Variants in CENPP observed in about 807,000 individuals in gnomAD.
The protein encoded by CENPP is centromere protein P.
CENPP carries 24 observed loss-of-function variants against 35.6 expected under a neutral mutation model. The ratio of observed to expected loss-of-function variants is 0.67; its 90% CI spans 0.49 to 0.95. The LOEUF (loss-of-function observed/expected upper bound fraction) is 0.95, where lower values mean the gene tolerates loss of function less well. Ranked by LOEUF, CENPP falls within the 40% of genes least tolerant of loss-of-function variation. The pLI is 0.00. For synonymous variants in CENPP, 120 were observed against 125.5 expected (o/e 0.96, Z 0.29); for missense variants, 332 against 345.3 (o/e 0.96, Z 0.31).
intron 4 of CENPP, among the ~76,000 whole-genome samples, chr9:92,373,706 C>T (rs576725502): frequency 8.6e-5 from 13 of 151,946 alleles, no homozygotes; most frequent in Non-Finnish European, 1.6e-4. Flanking sequence ...CGTGCCTGTA[C>T]TCCCAGCTAC....
intron 4 of CENPP, among the ~76,000 whole-genome samples, chr9:92,366,739 C>T (rs2130844826): frequency 1.3e-5 from 2 of 152,288 alleles, no homozygotes; most frequent in East Asian, 3.9e-4. Flanking sequence ...ATGATTATTA[C>T]ACACACATGC....
intron 5 of CENPP, chr9:92,511,982 C>T: frequency 1.3e-6 from 2 of 1,536,652 alleles, no homozygotes; most frequent in Non-Finnish European, 1.8e-6. Flanking sequence ...GCCATTCATC[C>T]AAATAGACAA....
Position 92,620,510 on chromosome 9 carries a change from T to C in CENPP, c.*7361T>C, listed in dbSNP as rs1851596541. 2 of 152,194 alleles carry C rather than the reference T, an allele frequency of 1.3e-5. No homozygotes were observed. 9.4% of individuals were successfully genotyped at this position (152,194 alleles called of 1,614,324 possible). ...GGCATAGCTCTCGCTTTCACAAAAA[T>C]AAACAGTTGTAAAAGAAAAGGAATT... On this transcript the variant is annotated 3_prime_UTR_variant, in exon 8 of 8. Transcript: ENST00000375587.
At chr9:92,365,034 T>G (rs1841851728) in intron 4 of CENPP, among the ~76,000 whole-genome samples, 1 of 152,174 alleles carries the variant, frequency 6.6e-6, no homozygotes, top group African/African-American at 2.4e-5. Flanking sequence ...AGTTACGTGT[T>G]GCCTGTTCTG....
intron 5 of CENPP, among the ~76,000 whole-genome samples, chr9:92,569,432 T>A (rs570364662): frequency 6.6e-6 from 1 of 152,346 alleles, no homozygotes; most frequent in Admixed American, 6.5e-5. Flanking sequence ...TCTGTTCCAT[T>A]GGTCTATATC....
At chr9:92,373,940 T>G (rs1349376234) in intron 4 of CENPP, among the ~76,000 whole-genome samples, 1 of 152,124 alleles carries the variant, frequency 6.6e-6, no homozygotes, top group Non-Finnish European at 1.5e-5. Context: ...GTTTTCTTGC[T>G]TTTCATGTAC....
At chr9:92,508,530 C>T (rs1847146245) in intron 5 of CENPP, among the ~76,000 whole-genome samples, 2 of 152,166 alleles carry the variant, frequency 1.3e-5, no homozygotes, top group Non-Finnish European at 2.9e-5. Context: ...GTGTGACTGA[C>T]TTATAGTTCA....
Position 92,390,587 on chromosome 9 carries a change from T to TGTGTGTGTGTGTGC in CENPP, c.564+10729_564+10730insTGTGTGTGTGTGCG, listed in dbSNP as rs749697394. 5.5e-4 allele frequency among the ~76,000 whole-genome samples: 78 copies of TGTGTGTGTGTGTGC among 141,912 alleles called. 1 individual carries two copies. Among genetic ancestry groups the TGTGTGTGTGTGTGC allele is most frequent in the East Asian group, 4.1e-3 (18 of 4,386 alleles). The allele number at this position is 141,912 out of a possible 152,430, so 93.1% of individuals were successfully genotyped here. ...CAGTGTGTGTGTGTGTGTGTGTGTG[T>TGTGTGTGTGTGTGC]GCGCGCGCGCGTACTTGCGTGTGCA... On this transcript the variant is annotated intron_variant, in intron 5 of 7. Coordinates refer to ENST00000375587, the MANE Select transcript of CENPP (RefSeq NM_001012267.3).
At chr9:92,433,739 G>A (rs1844176670) in intron 5 of CENPP, among the ~76,000 whole-genome samples, 1 of 152,064 alleles carries the variant, frequency 6.6e-6, no homozygotes, top group Non-Finnish European at 1.5e-5. Context: ...CGAGACCAGC[G>A]TGACCAACAT....
Position 92,415,469 on chromosome 9 carries a change from GATTC to G in CENPP, c.564+35613_564+35616del, listed in dbSNP as rs780016730. ...TCAATAGAAGGACACATCACTGTAA[GATTC>G]ATCTCTGAAAGAAATAAATTAAAAA... On this transcript the variant is annotated intron_variant, in intron 5 of 7. Transcript: ENST00000375587. 1.9e-6 allele frequency: 3 copies of G among 1,571,632 alleles called. No homozygotes were observed. The Admixed American group carries it at 5.7e-5, about 30-fold the overall frequency.
intron 5 of CENPP, among the ~76,000 whole-genome samples, chr9:92,608,648 G>C (rs1391082124): frequency 6.6e-6 from 1 of 152,168 alleles, no homozygotes; most frequent in Admixed American, 6.5e-5. Context: ...CAAGTTATCA[G>C]TGACCGTGAC....
rs574765658 is a variant in CENPP at position 92,429,486 on chromosome 9, T to C, written c.564+49627T>C. Among the ~76,000 whole-genome samples, 43 of 152,232 alleles carry C rather than the reference T, an allele frequency of 2.8e-4. 1 individual carries two copies. In the South Asian group the frequency reaches 6.2e-3, roughly 22 times the overall value. On this transcript the variant is annotated intron_variant, in intron 5 of 7. Coordinates refer to ENST00000375587, the MANE Select transcript of CENPP (RefSeq NM_001012267.3). ...TAACTCAGCATCTGAATTACCTGAA[T>C]ATAATCTTGTCATTTTCAGGCCAAG... is the stretch of plus-strand genomic sequence containing the variant.
intron 5 of CENPP, chr9:92,464,842 T>C: frequency 1.8e-6 from 2 of 1,082,244 alleles, no homozygotes; most frequent in Non-Finnish European, 2.9e-6. Flanking sequence ...TACTGCACAG[T>C]TTACAATATT....
Position 92,404,567 on chromosome 9 carries a change from G to A in CENPP, c.564+24708G>A, listed in dbSNP as rs566156456. On this transcript the variant is annotated intron_variant, in intron 5 of 7. Coordinates refer to ENST00000375587, the MANE Select transcript of CENPP (RefSeq NM_001012267.3). ...TCATGTCTGTGCATTAGCCCCAAGT[G>A]GGAGGGTGAATGAGAAAAGCTATGT... is the stretch of plus-strand genomic sequence containing the variant. 5.4e-6 allele frequency: 7 copies of A among 1,295,440 alleles called. No homozygotes were observed. The South Asian group carries it at 7.7e-5, about 14-fold the overall frequency. The allele number at this position is 1,295,440 out of a possible 1,614,324, so 80.2% of individuals were successfully genotyped here. A position where few individuals can be genotyped will look rare whatever the true frequency, so the allele number is the denominator to read the frequency against.
At chr9:92,361,035 C>T (rs1841733894) in intron 4 of CENPP, among the ~76,000 whole-genome samples, 1 of 151,958 alleles carries the variant, frequency 6.6e-6, no homozygotes, top group African/African-American at 2.4e-5. Context: ...AATGTTTCTG[C>T]TGCTGTTCTT....
rs111367325 is a variant in CENPP, at chr9:92,603,075, C to T, written c.565-8239C>T. ...AAGTGCTGGGATTACAGGCATAAGC[C>T]ACCACACCCAGCCTCAAATTAAACT... On this transcript the variant is annotated intron_variant, in intron 5 of 7. Transcript: ENST00000375587. Among the ~76,000 whole-genome samples the T allele has an allele frequency of 7.4e-3, 1,125 of 152,288 alleles. 11 individuals are homozygous for T. Among genetic ancestry groups the T allele is most frequent in the African/African-American group, 0.024 (1,018 of 41,558 alleles).
At chr9:92,514,944 T>C in intron 5 of CENPP, 1 of 1,614,082 alleles carries the variant, frequency 6.2e-7, no homozygotes, top group East Asian at 2.2e-5. Flanking sequence ...TTCTGTCTCC[T>C]CCTCTGCTGT....
chr9:92,523,815 G>A (rs1238123345), intron 5 of CENPP, among the ~76,000 whole-genome samples: 2 of 152,202 alleles, frequency 1.3e-5, no homozygotes, highest in Non-Finnish European at 2.9e-5. Context: ...ATAGATAAGA[G>A]AGCAGGTTGC....
chr9:92,453,253 C>G (rs1311219474), intron 5 of CENPP, among the ~76,000 whole-genome samples: 1 of 152,014 alleles, frequency 6.6e-6, no homozygotes, highest in African/African-American at 2.4e-5. Context: ...ATAAATTTCC[C>G]TCTACACACT....
Sources: gnomAD v4.1 joint callset for allele counts (sites outside exome capture counted in the v4.1 genomes callset) on GRCh38, gnomAD v4.1.1 for gene constraint, MANE v1.5 for transcripts, NCBI Gene and HGNC (gene_info 2026-07-23, HGNC 2026-07-21) for gene names.